Variants in SPTLC3 observed in about 807,000 individuals in gnomAD.
SPTLC3 encodes the protein serine palmitoyltransferase 3.
A neutral mutation model predicts 59.3 loss-of-function variants in SPTLC3; 36 were observed. The observed-to-expected ratio is 0.61, with a 90% confidence interval of 0.47 to 0.80. SPTLC3 has a LOEUF of 0.80. Ranked by LOEUF, SPTLC3 falls within the 30% of genes least tolerant of loss-of-function variation. The pLI is 0.00. For synonymous variants in SPTLC3, 257 were observed against 240.8 expected (o/e 1.07, Z -0.62); for missense variants, 625 against 685.1 (o/e 0.91, Z 0.98).
At chr20:13,042,365 C>A (rs576645619) in intron 1 of SPTLC3, among the ~76,000 whole-genome samples, 5 of 152,190 alleles carry the variant, frequency 3.3e-5, no homozygotes, top group Non-Finnish European at 7.3e-5. Flanking sequence ...TGCTTCAGAG[C>A]TAGGGAAAGG....
intron 1 of SPTLC3, among the ~76,000 whole-genome samples, chr20:13,046,446 C>A (rs149093293): frequency 6.4e-4 from 98 of 152,330 alleles, no homozygotes; most frequent in African/African-American, 2.2e-3. Flanking sequence ...AGATAGTTTT[C>A]TTTTTCCTCT....
chr20:13,034,609 C>A (rs887532841), intron 1 of SPTLC3, among the ~76,000 whole-genome samples: 4 of 151,964 alleles, frequency 2.6e-5, no homozygotes, highest in Non-Finnish European at 5.9e-5. Flanking sequence ...TGGCTGAAAA[C>A]ATCTACATCT....
At chr20:13,036,128 T>G (rs1986722212) in intron 1 of SPTLC3, among the ~76,000 whole-genome samples, 1 of 152,158 alleles carries the variant, frequency 6.6e-6, no homozygotes, top group Non-Finnish European at 1.5e-5. Context: ...AAGAACTGAA[T>G]TTTACCAAAC....
intron 11 of SPTLC3, among the ~76,000 whole-genome samples, chr20:13,163,897 C>CT (rs1018577758): frequency 1.3e-5 from 2 of 152,048 alleles, no homozygotes; most frequent in East Asian, 1.9e-4. Flanking sequence ...TGAAAATGAC[C>CT]TTTTTTTTAT....
intron 1 of SPTLC3, among the ~76,000 whole-genome samples, chr20:13,015,642 T>A (rs1269110491): frequency 1.3e-5 from 2 of 152,088 alleles, no homozygotes; most frequent in East Asian, 3.9e-4. Context: ...ACAAATGACA[T>A]TGAAGTTTAT....
chr20:13,080,421 T>C lies in SPTLC3; in HGVS notation c.607+5924T>C, dbSNP rs150383346. Among the ~76,000 whole-genome samples, 11 of 145,990 alleles carry C rather than the reference T, an allele frequency of 7.5e-5. No individual in the cohort carries two copies. In the East Asian group the frequency reaches 2.3e-3, roughly 30 times the overall value. On this transcript the variant is annotated intron_variant, in intron 4 of 11. Transcript: ENST00000399002. ...TACTTGGGAGGCTGAGGCAGGAAAA[T>C]CGCTTGAACCCGGGAGTCAGAGGTT...
chr20:13,128,667 G>A (rs11906407), intron 9 of SPTLC3, among the ~76,000 whole-genome samples: 7,017 of 151,980 alleles, frequency 0.046, 216 homozygotes, highest in Middle Eastern at 0.099. Context: ...ATTTTGGAGG[G>A]GGAGGAGGTT....
chr20:13,118,448 G>GAAAAAAAAA (rs376312661), intron 8 of SPTLC3, among the ~76,000 whole-genome samples: 73 of 108,688 alleles, frequency 6.7e-4, no homozygotes, highest in Non-Finnish European at 9.5e-4. Context: ...AGAGGTTTGT[G>GAAAAAAAAA]GAAAAAAAAA....
intron 9 of SPTLC3, among the ~76,000 whole-genome samples, chr20:13,148,881 C>G (rs996989183): frequency 6.6e-6 from 1 of 152,190 alleles, no homozygotes; most frequent in Non-Finnish European, 1.5e-5. Flanking sequence ...ATGGCAATTC[C>G]CCTTTCAACG....
At chr20:13,135,034 TG>T (rs1232131935) in intron 9 of SPTLC3, among the ~76,000 whole-genome samples, 1 of 152,228 alleles carries the variant, frequency 6.6e-6, no homozygotes, top group Non-Finnish European at 1.5e-5. Context: ...CATAACTTTT[TG>T]AAGTATGTAA....
At chr20:13,159,973 T>C in intron 10 of SPTLC3, 30 bp from the exon 11 acceptor site, 1 of 1,514,810 alleles carries the variant, frequency 6.6e-7, no homozygotes, top group Non-Finnish European at 8.9e-7. Flanking sequence ...CTAACCACTT[T>C]TTTTTTTTCT....
intron 1 of SPTLC3, among the ~76,000 whole-genome samples, chr20:13,046,639 G>T (rs116502323): frequency 1.3e-5 from 2 of 152,016 alleles, no homozygotes; most frequent in African/African-American, 4.8e-5. Flanking sequence ...TGTGGAGATC[G>T]ATGTAGTCTA....
At chr20:13,126,756 C>CT in intron 9 of SPTLC3, 39 bp downstream of exon 9, 2 of 1,609,882 alleles carry the variant, frequency 1.2e-6, no homozygotes, top group Non-Finnish European at 8.5e-7. Flanking sequence ...CTGGACCTCT[C>CT]TGTCTCCCTT....
intron 8 of SPTLC3, 143 bp downstream of exon 8, chr20:13,117,868 C>G (rs903936690): frequency 1.4e-6 from 1 of 719,892 alleles, no homozygotes; most frequent in Non-Finnish European, 2.2e-6. Flanking sequence ...AGTGGGTTCA[C>G]AGCCAGATAA....
At chr20:13,026,634 T>C (rs187951497) in intron 1 of SPTLC3, among the ~76,000 whole-genome samples, 1 of 152,110 alleles carries the variant, frequency 6.6e-6, no homozygotes, top group Admixed American at 6.6e-5. Flanking sequence ...ACAAACTGAA[T>C]AGTAGAGTAT....
At chr20:13,027,099 C>T (rs113492685) in intron 1 of SPTLC3, among the ~76,000 whole-genome samples, 7,631 of 152,262 alleles carry the variant, frequency 0.05, 233 homozygotes, top group South Asian at 0.084. Context: ...GTTTCCTTCC[C>T]TTTTCTGGCT....
intron 6 of SPTLC3, among the ~76,000 whole-genome samples, chr20:13,100,850 G>T (rs1989575966): frequency 6.6e-6 from 1 of 152,110 alleles, no homozygotes; most frequent in African/African-American, 2.4e-5. Context: ...AAATCACAGG[G>T]GTCAAAATGC....
At chr20:13,116,706 G>T (rs1990572554) in intron 7 of SPTLC3, among the ~76,000 whole-genome samples, 1 of 152,120 alleles carries the variant, frequency 6.6e-6, no homozygotes, top group South Asian at 2.1e-4. Context: ...AACAGTTAGG[G>T]CTAAAACAAA....
Position 13,110,632 on chromosome 20 carries a change from C to A in SPTLC3, c.932+415C>A, listed in dbSNP as rs1254275558. Among the ~76,000 whole-genome samples, 3 of 152,132 alleles carry A rather than the reference C, an allele frequency of 2.0e-5. No individual in the cohort carries two copies. The East Asian group carries it at 5.8e-4, about 29-fold the overall frequency. Reference sequence around the variant, plus strand: ...GCCCCTACCTGGACAGCACGCCCAACCCCCAGCTGCTTGCTGAACTTTGTT... The same window carrying A: ...GCCCCTACCTGGACAGCACGCCCAAACCCCAGCTGCTTGCTGAACTTTGTT... On this transcript the variant is annotated intron_variant, in intron 7 of 11. Transcript: ENST00000399002.
Sources: gnomAD v4.1 joint callset for allele counts (sites outside exome capture counted in the v4.1 genomes callset) on GRCh38, gnomAD v4.1.1 for gene constraint, MANE v1.5 for transcripts, NCBI Gene and HGNC (gene_info 2026-07-23, HGNC 2026-07-21) for gene names.